The following ZFP1 variants were observed in gnomAD, a reference collection of about 807,000 sequenced individuals.
ZFP1 encodes ZFP1 zinc finger protein.
In ZFP1, 32 loss-of-function variants were observed where a neutral mutation model predicts 38.5. That is an observed-to-expected ratio of 0.83 (90% CI 0.63 to 1.12). ZFP1 has a LOEUF of 1.12. Ranked by LOEUF, ZFP1 falls within the 50% of genes most tolerant of loss-of-function variation. The pLI, the probability that ZFP1 is intolerant of heterozygous loss-of-function variation, is 0.00. For missense variants in ZFP1, 616 were observed against 480.8 expected, an observed-to-expected ratio of 1.28 and a Z score of -2.63; for synonymous variants, 245 against 168.8, an observed-to-expected ratio of 1.45 and a Z score of -3.50.
chr16:75,149,022 A>T (rs2037039309), intron 1 of ZFP1: 1 of 150,762 alleles, frequency 6.6e-6, no homozygotes, highest in Non-Finnish European at 1.5e-5. Flanking sequence ...GTGGCCTGAC[A>T]CACCTGGCCA....
chr16:75,128,809 C>T, the ZFP1 span, among the ~76,000 whole-genome samples: 4 of 152,098 alleles, frequency 2.6e-5, no homozygotes, highest in Non-Finnish European at 5.9e-5. Flanking sequence ...ATTTTTGAGA[C>T]AGAGTTTTGC....
intron 2 of ZFP1, among the ~76,000 whole-genome samples, chr16:75,160,907 A>G (rs890038512): frequency 4.2e-4 from 64 of 152,118 alleles, no homozygotes; most frequent in African/African-American, 1.4e-3. Context: ...AGGAGCCTCT[A>G]TGATCCAATC....
At chr16:75,135,717 A>G in the ZFP1 span, among the ~76,000 whole-genome samples, 2 of 152,026 alleles carry the variant, frequency 1.3e-5, no homozygotes, top group East Asian at 3.8e-4. Flanking sequence ...CTATAATGGT[A>G]CATACATGAC....
upstream of ZFP1, among the ~76,000 whole-genome samples, chr16:75,145,814 G>C (rs1262536903): frequency 6.6e-6 from 1 of 152,198 alleles, no homozygotes; most frequent in East Asian, 1.9e-4. Context: ...TCAAGTCCAT[G>C]TGACCTGATC....
chr16:75,157,546 C>T (rs1313359772), intron 2 of ZFP1, among the ~76,000 whole-genome samples: 4 of 151,822 alleles, frequency 2.6e-5, no homozygotes, highest in Non-Finnish European at 5.9e-5. Flanking sequence ...ACCTGGCCTT[C>T]ATTCTGTTCT....
Position 75,169,639 on chromosome 16 carries a change from A to G in ZFP1, c.529A>G (p.Ile177Val). The change falls in exon 4 of 4, where the codon ATA becomes GTA. Residue 177 changes from isoleucine to valine, a missense_variant. Transcript: ENST00000570010. ...HKAAIFKHQK[I>V]KNLVQPFICT... ...AGCAGCCATTTTTAAACATCAGAAA[A>G]TAAAAAACTTGGTTCAACCTTTCAT... 2 of 1,594,508 alleles carry G rather than the reference A, an allele frequency of 1.3e-6. No individual in the cohort carries two copies. Among genetic ancestry groups the G allele is most frequent in the Non-Finnish European group, 1.7e-6 (2 of 1,174,682 alleles).
the ZFP1 span, among the ~76,000 whole-genome samples, chr16:75,130,357 T>C: frequency 1.4e-3 from 215 of 152,254 alleles, no homozygotes; most frequent in African/African-American, 4.8e-3. Flanking sequence ...CCTTCTCCCC[T>C]GATTCTTTTT....
At chr16:75,123,915 C>A in the ZFP1 span, among the ~76,000 whole-genome samples, 2 of 137,592 alleles carry the variant, frequency 1.5e-5, no homozygotes, top group Admixed American at 1.5e-4. Flanking sequence ...CACGGTGAAA[C>A]CCTGTCTCTA....
At chr16:75,136,846 G>A in the ZFP1 span, among the ~76,000 whole-genome samples, 3 of 151,908 alleles carry the variant, frequency 2.0e-5, no homozygotes, top group Admixed American at 6.6e-5. Context: ...GCTCCAGCCT[G>A]GGCAACAGAG....
chr16:75,166,653 A>G, intron 2 of ZFP1, 117 bp from the exon 3 acceptor site: 3 of 1,555,414 alleles, frequency 1.9e-6, no homozygotes, highest in Admixed American at 2.0e-5. Context: ...AACAGTGAAC[A>G]AGATGTATCG....
At position 75,169,535 on chromosome 16, in the gene ZFP1, T is replaced by C; in HGVS notation, c.425T>C (p.Leu142Pro). ...DECNEFGKAL[L>P]YLKQEKTHSG... ...TGTAATGAATTTGGAAAAGCACTTCTCTACCTGAAGCAAGAGAAAACCCAC... is the reference window on the plus strand; with the variant it reads ...TGTAATGAATTTGGAAAAGCACTTCCCTACCTGAAGCAAGAGAAAACCCAC... The change falls in exon 4 of 4, where the codon CTC becomes CCC. Residue 142 changes from leucine to proline, a missense_variant. Physicochemically the swap from Leu to Pro is moderately conservative, Grantham distance 98 (BLOSUM62 -3). Transcript: ENST00000570010. The C allele has an allele frequency of 6.2e-7, 1 of 1,612,908 alleles. No homozygotes were observed. The highest frequency in any genetic ancestry group is 8.5e-7 in the Non-Finnish European group (1 of 1,179,816).
chr16:75,136,572 C>A, the ZFP1 span, among the ~76,000 whole-genome samples: 1 of 152,064 alleles, frequency 6.6e-6, no homozygotes, highest in Non-Finnish European at 1.5e-5. Context: ...ACATATAGAA[C>A]TATTTATAGA....
chr16:75,140,714 C>T, the ZFP1 span, among the ~76,000 whole-genome samples: 3 of 152,192 alleles, frequency 2.0e-5, no homozygotes, highest in East Asian at 5.8e-4. Context: ...AATCCCAGCA[C>T]TTTGGGAGGC....
rs1283755484 is a variant in ZFP1 at position 75,148,654 on chromosome 16, G to T, written c.-44+11G>T. On this transcript the variant is annotated intron_variant, in intron 1 of 3. Transcript: ENST00000570010. ...GCTGCGCCCCTCCAGGTACGAGAGG[G>T]GCTTCCAGGTAGCTCCGCGCGGCCT... 1 of 152,298 alleles carries T rather than the reference G, an allele frequency of 6.6e-6. No individual in the cohort carries two copies. The highest frequency in any genetic ancestry group is 1.5e-5 in the Non-Finnish European group (1 of 68,098). The allele number at this position is 152,298 out of a possible 1,614,324, so 9.4% of individuals were successfully genotyped here. A position where few individuals can be genotyped will look rare whatever the true frequency, so the allele number is the denominator to read the frequency against.
chr16:75,120,795 G>GTT, the ZFP1 span, among the ~76,000 whole-genome samples: 9 of 147,126 alleles, frequency 6.1e-5, no homozygotes, highest in Non-Finnish European at 1.3e-4. Flanking sequence ...TTGTTTGTTT[G>GTT]TTTTGTATTT....
chr16:75,135,546 T>C, the ZFP1 span, among the ~76,000 whole-genome samples: 1 of 152,126 alleles, frequency 6.6e-6, no homozygotes, highest in East Asian at 1.9e-4. Flanking sequence ...GGTGAGAGGA[T>C]TGGTAAGCCC....
intron 1 of ZFP1, among the ~76,000 whole-genome samples, chr16:75,150,387 T>TC (rs1567521479): frequency 6.6e-6 from 1 of 150,412 alleles, no homozygotes; most frequent in Non-Finnish European, 1.5e-5. Flanking sequence ...TTTTTTATTT[T>TC]TTTTTGTATT....
chr16:75,127,668 A>G, the ZFP1 span, among the ~76,000 whole-genome samples: 1 of 152,118 alleles, frequency 6.6e-6, no homozygotes, highest in African/African-American at 2.4e-5. Flanking sequence ...GGAGATTGTG[A>G]CATCAGCATA....
At position 75,170,330 on chromosome 16, in the gene ZFP1, C is replaced by T; in HGVS notation, c.1220C>T (p.Pro407Leu). Residue 407 changes from proline (P) to leucine (L), a missense_variant, in exon 4 of 4, where the codon CCC (proline) becomes CTC (leucine). By Grantham distance (98) the Pro-to-Leu change is moderately conservative. Coordinates refer to ENST00000570010, the MANE Select transcript of ZFP1 (RefSeq NM_153688.4). ...VHQRVHIGEK[P>L] ...CAGAGAGTTCACATCGGGGAGAAAC[C>T]CTGAAACTCCAGCCAGGTCTTACTG... 3 of 1,567,836 alleles carry T rather than the reference C, an allele frequency of 1.9e-6. No individual in the cohort carries two copies. Among genetic ancestry groups the T allele is most frequent in the Non-Finnish European group, 2.6e-6 (3 of 1,156,554 alleles).
Sources: allele counts gnomAD v4.1 joint callset (sites outside exome capture counted in the v4.1 genomes callset), GRCh38; gene constraint gnomAD v4.1.1; transcripts MANE v1.5; gene names NCBI Gene and HGNC (gene_info 2026-07-23, HGNC 2026-07-21).